Variants in TCP11L2 observed in about 807,000 individuals in gnomAD.
TCP11L2 encodes the protein T-complex protein 11-like protein 2.
In TCP11L2, 39 loss-of-function variants were observed where a neutral mutation model predicts 50.7. The observed-to-expected ratio is 0.77, with a 90% CI of 0.60 to 1.01. The LOEUF (loss-of-function observed/expected upper bound fraction) is 1.01. Ranked by LOEUF, TCP11L2 falls within the 50% of genes least tolerant of loss-of-function variation. TCP11L2 has a pLI of 0.00. For synonymous variants in TCP11L2, 192 were observed against 219.3 expected (o/e 0.88, Z 1.10); for missense variants, 612 against 614.7 (o/e 1.00, Z 0.05).
At chr12:106,333,872 A>T (rs1474614611) in intron 6 of TCP11L2, among the ~76,000 whole-genome samples, 2 of 152,150 alleles carry the variant, frequency 1.3e-5, no homozygotes, top group Non-Finnish European at 2.9e-5. Context: ...TTCATATTTA[A>T]TGACTCTCCT....
chr12:106,312,358 G>A, intron 2 of TCP11L2: 1 of 1,218,460 alleles, frequency 8.2e-7, no homozygotes, highest in Non-Finnish European at 1.1e-6. Context: ...CTGGATTATT[G>A]GACCAAAGTA....
chr12:106,314,586 AG>A, intron 3 of TCP11L2, 93 bp downstream of exon 3: 3 of 695,502 alleles, frequency 4.3e-6, no homozygotes, highest in Non-Finnish European at 6.4e-6. Context: ...TGAGAGAGAG[AG>A]AGAGAGAGAG....
chr12:106,311,346 C>G (rs1214352573), intron 2 of TCP11L2, 114 bp downstream of exon 2: 1 of 1,234,604 alleles, frequency 8.1e-7, no homozygotes, highest in Non-Finnish European at 1.1e-6. Flanking sequence ...TTTCTAGATG[C>G]ACCAGAATAG....
At position 106,313,737 on chromosome 12, in the gene TCP11L2, A is replaced by G. The variant is rs1420730484; in HGVS notation, c.158-621A>G. ...AATACATATAATAAGTGCAGATTTC[A>G]ATGGGCACTAAAAATGAGGTAATTT... On this transcript the variant is annotated intron_variant, in intron 2 of 9. Coordinates refer to ENST00000299045, the MANE Select transcript of TCP11L2 (RefSeq NM_152772.3). 3.3e-5 allele frequency among the ~76,000 whole-genome samples: 5 copies of G among 150,930 alleles called. No homozygotes were observed. In the South Asian group the frequency reaches 1.0e-3, roughly 31 times the overall value.
rs2136853127 is a variant in TCP11L2, at chr12:106,346,196, CA to C, written c.1316-89del. The stretch of plus-strand genomic sequence containing the variant: ...GGGTAAAGAATTGGGAACATTATTG[CA>C]GTCAACCTACTACAATTACTTGTTC... On this transcript the variant is annotated intron_variant, in intron 9 of 9. Transcript: ENST00000299045. The C allele has an allele frequency of 1.5e-5, 20 of 1,310,102 alleles. No individual in the cohort carries two copies. In the South Asian group the frequency reaches 2.2e-4, roughly 15 times the overall value. 81.2% of individuals were successfully genotyped at this position (1,310,102 alleles called of 1,614,324 possible).
chr12:106,309,893 G>A (rs2034782157), intron 1 of TCP11L2, among the ~76,000 whole-genome samples: 1 of 152,034 alleles, frequency 6.6e-6, no homozygotes, highest in Non-Finnish European at 1.5e-5. Flanking sequence ...TCCCATTCTG[G>A]CCGCTTTAAA....
chr12:106,323,434 T>TG, intron 5 of TCP11L2, 76 bp from the exon 6 acceptor site: 1 of 1,339,500 alleles, frequency 7.5e-7, no homozygotes, highest in Admixed American at 2.4e-5. Context: ...GTTTTCAGCC[T>TG]GGAACATAGA....
chr12:106,301,430 A>T (rs907492415), upstream of TCP11L2, among the ~76,000 whole-genome samples: 1 of 152,246 alleles, frequency 6.6e-6, no homozygotes, highest in Admixed American at 6.5e-5. Context: ...CCAAGGAAAT[A>T]GCTATCATTG....
chr12:106,326,137 A>G (rs1365033906), intron 6 of TCP11L2, among the ~76,000 whole-genome samples: 1 of 152,152 alleles, frequency 6.6e-6, no homozygotes, highest in East Asian at 1.9e-4. Context: ...TTAATTAACC[A>G]CTATTTAAGG....
chr12:106,330,718 C>T (rs1333453337), intron 6 of TCP11L2, among the ~76,000 whole-genome samples: 1 of 152,152 alleles, frequency 6.6e-6, no homozygotes, highest in Non-Finnish European at 1.5e-5. Context: ...AGTCTGATTT[C>T]AGCTAGTCAT....
upstream of TCP11L2, among the ~76,000 whole-genome samples, chr12:106,301,349 T>C (rs2034409160): frequency 6.6e-6 from 1 of 152,222 alleles, no homozygotes; most frequent in South Asian, 2.1e-4. Context: ...CAATAACTAA[T>C]ACTTAGAGTG....
At chr12:106,316,851 AGATGGAGTC>A (rs1392854323) in intron 3 of TCP11L2, among the ~76,000 whole-genome samples, 12 of 152,154 alleles carry the variant, frequency 7.9e-5, no homozygotes, top group African/African-American at 2.9e-4. Context: ...GAATTTTTTG[AGATGGAGTC>A]TTGTTTTAAA....
chr12:106,315,806 C>T (rs182128575), intron 3 of TCP11L2, among the ~76,000 whole-genome samples: 1 of 152,266 alleles, frequency 6.6e-6, no homozygotes, highest in East Asian at 1.9e-4. Context: ...AGAGAAGAGG[C>T]TTGAGACTAT....
At chr12:106,305,161 A>G (rs1015955049) in intron 1 of TCP11L2, among the ~76,000 whole-genome samples, 6 of 152,192 alleles carry the variant, frequency 3.9e-5, no homozygotes, top group African/African-American at 1.4e-4. Context: ...TTGGGCAAGT[A>G]ACGCAACCTC....
chr12:106,307,535 A>G (rs1159168700), intron 1 of TCP11L2, among the ~76,000 whole-genome samples: 2 of 152,248 alleles, frequency 1.3e-5, no homozygotes, highest in African/African-American at 4.8e-5. Context: ...TAGTTTTTAA[A>G]GCAATCTAAA....
chr12:106,330,249 C>A, intron 6 of TCP11L2: 1 of 985,116 alleles, frequency 1.0e-6, no homozygotes, highest in Non-Finnish European at 1.2e-6. Context: ...TCATTTAGTT[C>A]ATGATGTAAG....
intron 4 of TCP11L2, 144 bp from the exon 5 acceptor site, chr12:106,321,342 C>G (rs998467048): frequency 3.0e-6 from 2 of 663,514 alleles, no homozygotes; most frequent in Non-Finnish European, 5.2e-6. Flanking sequence ...CTCCTCTGAT[C>G]CACCCATGCA....
chr12:106,337,948 T>C (rs1313143566), intron 8 of TCP11L2, among the ~76,000 whole-genome samples: 1 of 152,152 alleles, frequency 6.6e-6, no homozygotes, highest in East Asian at 1.9e-4. Context: ...TTCTCAATTA[T>C]CCTCATTACG....
intron 6 of TCP11L2, chr12:106,329,605 T>C (rs1457804361): frequency 5.1e-5 from 69 of 1,362,364 alleles, no homozygotes; most frequent in Non-Finnish European, 6.1e-5. Flanking sequence ...AACTCTTTTT[T>C]TCCTTTTTAA....
Sources: gnomAD v4.1 joint callset for allele counts (sites outside exome capture counted in the v4.1 genomes callset) on GRCh38, gnomAD v4.1.1 for gene constraint, MANE v1.5 for transcripts, NCBI Gene and HGNC (gene_info 2026-07-23, HGNC 2026-07-21) for gene names.